ZNF385D: variants seen among roughly 807,000 people sequenced by gnomAD.
The protein encoded by ZNF385D is zinc finger protein 659.
ZNF385D carries 15 observed loss-of-function variants against 35.8 expected under a neutral mutation model. The observed-to-expected ratio is 0.42, with a 90% confidence interval of 0.28 to 0.64. The LOEUF is 0.64. ZNF385D is among the 30% of genes least tolerant of loss of function. The probability of loss-of-function intolerance (pLI) is 0.23; values close to 1 mark genes in which losing one functional copy is unlikely to be tolerated. For missense variants in ZNF385D, 474 were observed against 494.6 expected, an observed-to-expected ratio of 0.96 and a Z score of 0.39; for synonymous variants, 212 against 186.8, an observed-to-expected ratio of 1.13 and a Z score of -1.10.
At chr3:22,317,280 C>CAAAAAAAAAAAAAAAAAAAAAAAAAAA (rs59675675) in intron 2 of ZNF385D, among the ~76,000 whole-genome samples, 3 of 26,098 alleles carry the variant, frequency 1.1e-4, no homozygotes, top group Non-Finnish European at 2.0e-4. Context: ...ACTCCATCTC[C>CAAAAAAAAAAAAAAAAAAAAAAAAAAA]AAAAAAAAAA....
At position 22,106,363 on chromosome 3, in the gene ZNF385D, C is replaced by T. The variant is rs1702213140; in HGVS notation, c.325+62454G>A. On this transcript the variant is annotated intron_variant, in intron 3 of 5. Transcript: ENST00000494108. ...GATGATGAAACTGAGATACCATCTG[C>T]CCTTTGGTCACTGTTCTCCTAGGTC... Among the ~76,000 whole-genome samples, 5 of 152,088 alleles carry T rather than the reference C, an allele frequency of 3.3e-5. No homozygotes were observed. In the South Asian group the frequency reaches 1.0e-3, roughly 32 times the overall value.
At chr3:22,076,782 G>A (rs1700486856) in intron 3 of ZNF385D, among the ~76,000 whole-genome samples, 1 of 151,670 alleles carries the variant, frequency 6.6e-6, no homozygotes, top group Non-Finnish European at 1.5e-5. Context: ...GAAAAATATA[G>A]TGACTTATTC....
At chr3:22,011,841 C>A (rs1696592688) in intron 3 of ZNF385D, among the ~76,000 whole-genome samples, 1 of 152,034 alleles carries the variant, frequency 6.6e-6, no homozygotes, top group African/African-American at 2.4e-5. Flanking sequence ...GGATATCTAT[C>A]TAACTGTAAA....
chr3:21,661,034 CA>C (rs1221139842), intron 2 of ZNF385D, among the ~76,000 whole-genome samples: 1 of 152,136 alleles, frequency 6.6e-6, no homozygotes, highest in Non-Finnish European at 1.5e-5. Flanking sequence ...AAATATTTCA[CA>C]GAATGTGGAT....
intron 3 of ZNF385D, among the ~76,000 whole-genome samples, chr3:21,759,444 T>A (rs2070501909): frequency 6.6e-6 from 1 of 151,826 alleles, no homozygotes; most frequent in African/African-American, 2.4e-5. Context: ...GATCTCCCAT[T>A]CAAGGAAAAA....
intron 3 of ZNF385D, among the ~76,000 whole-genome samples, chr3:21,999,973 C>G (rs1695732840): frequency 6.6e-6 from 1 of 152,150 alleles, no homozygotes. Context: ...CATCCAGACA[C>G]AAGAAGCTCA....
At chr3:22,223,884 T>A (rs994653819) in intron 2 of ZNF385D, among the ~76,000 whole-genome samples, 1 of 152,174 alleles carries the variant, frequency 6.6e-6, no homozygotes, top group African/African-American at 2.4e-5. Context: ...TTTATTTTTT[T>A]ACTACATGCC....
intron 2 of ZNF385D, among the ~76,000 whole-genome samples, chr3:22,343,191 G>T (rs1178710412): frequency 6.6e-6 from 1 of 152,060 alleles, no homozygotes; most frequent in Non-Finnish European, 1.5e-5. Context: ...ATTTGTATTT[G>T]ACAGCATTGA....
intron 2 of ZNF385D, among the ~76,000 whole-genome samples, chr3:22,354,777 A>C (rs1231453891): frequency 6.6e-6 from 1 of 152,076 alleles, no homozygotes; most frequent in Non-Finnish European, 1.5e-5. Context: ...AATCATGATG[A>C]GGTCCTTGGA....
At chr3:22,216,542 C>T (rs1033972733) in intron 2 of ZNF385D, among the ~76,000 whole-genome samples, 4 of 151,980 alleles carry the variant, frequency 2.6e-5, no homozygotes, top group Non-Finnish European at 5.9e-5. Context: ...AGCATTGACC[C>T]AGATGTGAAA....
chr3:22,212,357 T>C (rs1325046620), intron 2 of ZNF385D, among the ~76,000 whole-genome samples: 1 of 152,002 alleles, frequency 6.6e-6, no homozygotes, highest in African/African-American at 2.4e-5. Flanking sequence ...TTGCTATATT[T>C]CCATATGCAT....
intron 2 of ZNF385D, among the ~76,000 whole-genome samples, chr3:22,208,622 C>T (rs1317481318): frequency 6.6e-6 from 1 of 151,522 alleles, no homozygotes; most frequent in African/African-American, 2.4e-5. Context: ...CTCATTTCCC[C>T]TCATGTGATT....
intron 2 of ZNF385D, among the ~76,000 whole-genome samples, chr3:22,207,403 C>A (rs1169503244): frequency 2.6e-5 from 4 of 151,822 alleles, no homozygotes; most frequent in Non-Finnish European, 5.9e-5. Context: ...CAGAAGAAAA[C>A]AAAGCCCCTA....
intron 2 of ZNF385D, among the ~76,000 whole-genome samples, chr3:22,323,204 C>G (rs530835683): frequency 1.3e-5 from 2 of 152,130 alleles, no homozygotes; most frequent in Non-Finnish European, 2.9e-5. Flanking sequence ...TCAATCATTT[C>G]CACACTCAGG....
At chr3:21,873,379 G>C (rs1312898675) in intron 3 of ZNF385D, among the ~76,000 whole-genome samples, 1 of 152,084 alleles carries the variant, frequency 6.6e-6, no homozygotes, top group African/African-American at 2.4e-5. Flanking sequence ...CACAGGAAGT[G>C]GCATAGCCAT....
chr3:21,801,261 T>C (rs2072386580), intron 3 of ZNF385D, among the ~76,000 whole-genome samples: 2 of 152,150 alleles, frequency 1.3e-5, no homozygotes, highest in African/African-American at 4.8e-5. Flanking sequence ...GTGTCAGTAT[T>C]CATTAGACAT....
intron 1 of ZNF385D, among the ~76,000 whole-genome samples, chr3:21,678,443 T>C (rs1003129069): frequency 2.0e-5 from 3 of 152,090 alleles, no homozygotes; most frequent in African/African-American, 7.2e-5. Flanking sequence ...TTCTTCTTTA[T>C]TGATATGTCT....
At chr3:21,713,895 A>C (rs1357053387) in intron 1 of ZNF385D, among the ~76,000 whole-genome samples, 2 of 152,064 alleles carry the variant, frequency 1.3e-5, no homozygotes. Context: ...TTTTACATCA[A>C]CTGAGTCTTT....
rs569172004 is a variant in ZNF385D at position 21,613,042 on chromosome 3, T to G, written c.166-48358A>C. Among the ~76,000 whole-genome samples the G allele has an allele frequency of 2.5e-4, 38 of 151,570 alleles. No homozygotes were observed. In the South Asian group the frequency reaches 7.9e-3, roughly 32 times the overall value. On this transcript the variant is annotated intron_variant, in intron 2 of 7. Coordinates refer to ENST00000281523, the MANE Select transcript of ZNF385D (RefSeq NM_024697.3). ...GGGTACTAAAGAACACCCTCTAAAT[T>G]CAGTGCTAGGCTCGTTACTTTTTCA...
Sources: allele counts gnomAD v4.1 joint callset (sites outside exome capture counted in the v4.1 genomes callset), GRCh38; gene constraint gnomAD v4.1.1; transcripts MANE v1.5; gene names NCBI Gene and HGNC (gene_info 2026-07-23, HGNC 2026-07-21).